The following TEX9 variants were observed in gnomAD, a reference collection of about 807,000 sequenced individuals.
The protein encoded by TEX9 is testis expressed 9.
In TEX9, 74 loss-of-function variants were observed where a neutral mutation model predicts 59.6. The ratio of observed to expected loss-of-function variants is 1.24; its 90% confidence interval spans 1.03 to 1.51. The LOEUF is 1.51. Ranked by LOEUF, TEX9 falls within the 40% of genes most tolerant of loss-of-function variation. The pLI is 0.00. For missense variants in TEX9, 522 were observed against 447.8 expected (o/e 1.17, Z -1.49); for synonymous variants, 186 against 152.2 (o/e 1.22, Z -1.64).
chr15:56,365,321 C>G, upstream of TEX9: 1 of 1,283,916 alleles, frequency 7.8e-7, no homozygotes, highest in East Asian at 2.6e-5. Flanking sequence ...CTGCCAGAGG[C>G]TCGCGCCGCT....
chr15:56,384,317 G>A (rs925854425), intron 4 of TEX9, among the ~76,000 whole-genome samples: 3 of 152,056 alleles, frequency 2.0e-5, no homozygotes, highest in Admixed American at 6.5e-5. Flanking sequence ...TGTAGCAGAC[G>A]GAATGATGAT....
At position 56,430,658 on chromosome 15, in the gene TEX9, G is replaced by C. The variant is rs143092326; in HGVS notation, c.*29+2185G>C. On this transcript the variant is annotated intron_variant, in intron 12 of 12. Transcript: ENST00000352903. Reference sequence around the variant, plus strand: ...CAGTTCAACCATGTGCCTATTACTGGTGTTACCAGTGACAATGTTTTCATA... The same window carrying C: ...CAGTTCAACCATGTGCCTATTACTGCTGTTACCAGTGACAATGTTTTCATA... 2.3e-3 allele frequency among the ~76,000 whole-genome samples: 344 copies of C among 152,206 alleles called. 1 individual carries two copies. The highest frequency in any genetic ancestry group is 8.0e-3 in the African/African-American group (332 of 41,512).
intron 1 of TEX9, among the ~76,000 whole-genome samples, chr15:56,306,808 C>T (rs1232898984): frequency 6.6e-6 from 1 of 152,124 alleles, no homozygotes; most frequent in African/African-American, 2.4e-5. Context: ...ACCCCATTTA[C>T]TCTGATGTGA....
At chr15:56,267,956 G>A (rs774299457) in intron 1 of TEX9, among the ~76,000 whole-genome samples, 3 of 152,100 alleles carry the variant, frequency 2.0e-5, no homozygotes, top group Non-Finnish European at 4.4e-5. Flanking sequence ...CTTCCTGTCT[G>A]TGAGCATGAA....
chr15:56,310,633 G>A (rs2045589675), intron 1 of TEX9, among the ~76,000 whole-genome samples: 1 of 152,126 alleles, frequency 6.6e-6, no homozygotes, highest in Admixed American at 6.6e-5. Flanking sequence ...AAGTAGGCTA[G>A]CCACTGACAT....
In TEX9 at chr15:56,406,903, G is replaced by T. The variant is rs115752657; in HGVS notation, c.829-5399G>T. On this transcript the variant is annotated intron_variant, in intron 9 of 12. Transcript: ENST00000352903. ...ATTTTCTCAACAGTGTGTTTCAAAA[G>T]ACAGCAGTTTTAAATTTTGATGAAT... Among the ~76,000 whole-genome samples, 1,515 of 152,190 alleles carry T rather than the reference G, an allele frequency of 1.0e-2. 29 individuals carry two copies. The highest frequency in any genetic ancestry group is 0.035 in the African/African-American group (1,453 of 41,540).
intron 9 of TEX9, 41 bp from the exon 10 acceptor site, chr15:56,412,261 G>C (rs1351110326): frequency 6.5e-7 from 1 of 1,548,000 alleles, no homozygotes; most frequent in South Asian, 1.2e-5. Flanking sequence ...GGGAAACTAT[G>C]ATATATTTAT....
At chr15:56,284,839 C>T (rs1450742881) in intron 1 of TEX9, among the ~76,000 whole-genome samples, 1 of 152,036 alleles carries the variant, frequency 6.6e-6, no homozygotes, top group Non-Finnish European at 1.5e-5. Flanking sequence ...CCCATTTGGT[C>T]TCTCTGTTTT....
At chr15:56,269,724 C>T (rs2044479284) in intron 1 of TEX9, among the ~76,000 whole-genome samples, 1 of 150,078 alleles carries the variant, frequency 6.7e-6, no homozygotes, top group South Asian at 2.1e-4. Context: ...GTGATGTCGG[C>T]TCACTGCAAG....
intron 1 of TEX9, among the ~76,000 whole-genome samples, chr15:56,314,622 T>C (rs1319551904): frequency 1.3e-5 from 2 of 152,134 alleles, no homozygotes; most frequent in Admixed American, 6.5e-5. Context: ...AAAAAGTATA[T>C]TCTATTGATT....
intron 4 of TEX9, among the ~76,000 whole-genome samples, chr15:56,387,442 C>A (rs1257600585): frequency 6.6e-6 from 1 of 151,824 alleles, no homozygotes; most frequent in East Asian, 1.9e-4. Context: ...ATTTTGAAAG[C>A]CTTTTTTTCT....
chr15:56,335,160 A>G (rs62047374), intron 1 of TEX9, among the ~76,000 whole-genome samples: 15,828 of 152,160 alleles, frequency 0.1, 1,042 homozygotes, highest in Middle Eastern at 0.22. Flanking sequence ...TATAGAGCCA[A>G]AAGAAAGGAA....
intron 1 of TEX9, among the ~76,000 whole-genome samples, chr15:56,278,697 A>G (rs1470966954): frequency 2.6e-5 from 4 of 152,142 alleles, no homozygotes; most frequent in African/African-American, 9.7e-5. Context: ...CACTTTCCCC[A>G]CAGGCCCAAA....
At chr15:56,286,792 A>G (rs772084625) in intron 1 of TEX9, among the ~76,000 whole-genome samples, 1 of 152,218 alleles carries the variant, frequency 6.6e-6, no homozygotes, top group Non-Finnish European at 1.5e-5. Flanking sequence ...CTGATGTTCA[A>G]ATTACTACAT....
chr15:56,443,942 A>C (rs1389706943), intron 12 of TEX9: 3 of 1,038,992 alleles, frequency 2.9e-6, no homozygotes, highest in Admixed American at 3.1e-5. Context: ...GTACAGAAAA[A>C]CACTATAGTT....
chr15:56,382,767 TTTG>T (rs1196747486), intron 3 of TEX9, among the ~76,000 whole-genome samples: 1 of 152,164 alleles, frequency 6.6e-6, no homozygotes, highest in Non-Finnish European at 1.5e-5. Flanking sequence ...CTCTTTACTT[TTTG>T]TTCTCCTCTC....
intron 1 of TEX9, among the ~76,000 whole-genome samples, chr15:56,330,283 G>A (rs1267636834): frequency 6.6e-6 from 1 of 152,054 alleles, no homozygotes. Flanking sequence ...ATGCTAAAGG[G>A]GGTACTTCAA....
At chr15:56,428,830 C>A in intron 12 of TEX9, 1 of 390,644 alleles carries the variant, frequency 2.6e-6, no homozygotes, top group East Asian at 4.7e-5. Flanking sequence ...CTGTATTAGT[C>A]AAGGTAAATA....
intron 1 of TEX9, among the ~76,000 whole-genome samples, chr15:56,326,004 G>A (rs2046012503): frequency 6.6e-6 from 1 of 152,144 alleles, no homozygotes; most frequent in Non-Finnish European, 1.5e-5. Flanking sequence ...TGGTTAGAAA[G>A]CACAAATGGT....
Sources: gnomAD v4.1 joint callset for allele counts (sites outside exome capture counted in the v4.1 genomes callset) on GRCh38, gnomAD v4.1.1 for gene constraint, MANE v1.5 for transcripts, NCBI Gene and HGNC (gene_info 2026-07-23, HGNC 2026-07-21) for gene names.